The following SLC26A7 variants were observed in gnomAD, a reference collection of about 807,000 sequenced individuals.
SLC26A7 encodes the protein anion exchange transporter.
SLC26A7 carries 59 observed loss-of-function variants against 82.5 expected under a neutral mutation model. The observed-to-expected ratio is 0.72, with a 90% confidence interval of 0.58 to 0.89. SLC26A7 has a LOEUF of 0.89. SLC26A7 is among the 40% of genes least tolerant of loss of function. SLC26A7 has a pLI of 0.00. For missense variants in SLC26A7, 820 were observed against 793.0 expected, an observed-to-expected ratio of 1.03 and a Z score of -0.41; for synonymous variants, 271 against 274.3, an observed-to-expected ratio of 0.99 and a Z score of 0.12.
At chr8:91,366,789 A>C in intron 14 of SLC26A7, 72 bp downstream of exon 14, 1 of 1,491,450 alleles carries the variant, frequency 6.7e-7, no homozygotes, top group Non-Finnish European at 9.1e-7. Flanking sequence ...ACATGTATCA[A>C]GTAAATAATA....
chr8:91,288,128 T>A (rs186907476), intron 2 of SLC26A7, among the ~76,000 whole-genome samples: 19 of 152,310 alleles, frequency 1.2e-4, no homozygotes, highest in Admixed American at 2.6e-4. Flanking sequence ...TTCATTTAAT[T>A]TAAAAATGGT....
chr8:91,261,136 T>C (rs908903303), intron 2 of SLC26A7, among the ~76,000 whole-genome samples: 5 of 152,126 alleles, frequency 3.3e-5, no homozygotes, highest in African/African-American at 1.2e-4. Flanking sequence ...TTCTTGGAAG[T>C]GCTTACCACC....
At chr8:91,313,613 C>A in intron 4 of SLC26A7, among the ~76,000 whole-genome samples, 1 of 152,148 alleles carries the variant, frequency 6.6e-6, no homozygotes, top group East Asian at 1.9e-4. Context: ...CAGACTTTAC[C>A]ATCCAGTCAC....
chr8:91,226,464 G>GT (rs1468958178), intron 2 of SLC26A7, among the ~76,000 whole-genome samples: 3 of 152,122 alleles, frequency 2.0e-5, no homozygotes, highest in Admixed American at 6.5e-5. Context: ...GAAAACAATG[G>GT]TTTTTAACAT....
chr8:91,268,678 T>A (rs73694608), intron 2 of SLC26A7, among the ~76,000 whole-genome samples: 3,702 of 151,932 alleles, frequency 0.024, 156 homozygotes, highest in African/African-American at 0.08. Context: ...AATGTTATTA[T>A]TGATAGGTAA....
chr8:91,363,480 CTG>C lies in SLC26A7; in HGVS notation c.1432_1433del (p.Val478LysfsTer11), dbSNP rs751908708. ...ATCTGCTTTAATTTCAGAGCAATGA[CTG>C]TAAGTATAAAAAATATGAAAGAAAT... On this transcript the variant is annotated frameshift_variant, in exon 13 of 19. Transcript: ENST00000276609. LOFTEE classifies it high-confidence loss of function. 7 of 1,496,762 alleles carry C rather than the reference CTG, an allele frequency of 4.7e-6. No individual in the cohort carries two copies. The highest frequency in any genetic ancestry group is 3.7e-6 in the Non-Finnish European group (4 of 1,088,910). The allele number at this position is 1,496,762 out of a possible 1,614,324, so 92.7% of individuals were successfully genotyped here. A position where few individuals can be genotyped will look rare whatever the true frequency, so the allele number is the denominator to read the frequency against.
chr8:91,370,861 A>G (rs1256786602), intron 15 of SLC26A7, among the ~76,000 whole-genome samples: 1 of 151,910 alleles, frequency 6.6e-6, no homozygotes, highest in Admixed American at 6.6e-5. Flanking sequence ...TTATACAAAA[A>G]TCTCTTATTT....
intron 2 of SLC26A7, among the ~76,000 whole-genome samples, chr8:91,264,852 A>G (rs1439354984): frequency 1.3e-5 from 2 of 152,028 alleles, no homozygotes; most frequent in Admixed American, 6.6e-5. Flanking sequence ...CAAGGTAGTT[A>G]TCATGTCTAT....
intron 8 of SLC26A7, among the ~76,000 whole-genome samples, chr8:91,341,407 C>T (rs1462773365): frequency 6.6e-6 from 1 of 152,168 alleles, no homozygotes; most frequent in Non-Finnish European, 1.5e-5. Context: ...TGTCCTGTTT[C>T]AAGTCCTGTC....
chr8:91,327,480 G>T (rs376604768), intron 5 of SLC26A7, among the ~76,000 whole-genome samples: 4 of 152,048 alleles, frequency 2.6e-5, no homozygotes, highest in African/African-American at 9.7e-5. Flanking sequence ...TACTCTTTGA[G>T]ACATAGAAAA....
chr8:91,274,449 A>G (rs1162059736), intron 2 of SLC26A7, among the ~76,000 whole-genome samples: 2 of 150,696 alleles, frequency 1.3e-5, no homozygotes, highest in Admixed American at 1.3e-4. Flanking sequence ...AGTGGTAGAC[A>G]GAGAGAGAGA....
chr8:91,328,840 T>A (rs1003772750), intron 5 of SLC26A7, among the ~76,000 whole-genome samples: 1 of 152,114 alleles, frequency 6.6e-6, no homozygotes. Context: ...AAGCAGTACA[T>A]GTGCTGTGGA....
At chr8:91,239,805 A>C (rs1361068952) in intron 2 of SLC26A7, among the ~76,000 whole-genome samples, 3 of 152,214 alleles carry the variant, frequency 2.0e-5, no homozygotes, top group African/African-American at 7.2e-5. Flanking sequence ...AAGGGACTAC[A>C]AACTGGGTAA....
rs113304873 is a variant in SLC26A7 at position 91,274,453 on chromosome 8, A to G, written c.194-14683A>G. On this transcript the variant is annotated intron_variant, in intron 2 of 18. Transcript: ENST00000276609. Reference sequence around the variant, plus strand: ...TCTTATAACATAGTGGTAGACAGAGAGAGAGAGAGAAACAGAGAGCAAGAG... The same window carrying G: ...TCTTATAACATAGTGGTAGACAGAGGGAGAGAGAGAAACAGAGAGCAAGAG... 1.4e-3 allele frequency among the ~76,000 whole-genome samples: 212 copies of G among 152,284 alleles called. 2 individuals carry two copies. The highest frequency in any genetic ancestry group is 5.0e-3 in the African/African-American group (209 of 41,548).
At chr8:91,358,334 T>C (rs569756633) in intron 11 of SLC26A7, among the ~76,000 whole-genome samples, 1 of 150,320 alleles carries the variant, frequency 6.7e-6, no homozygotes, top group South Asian at 2.1e-4. Flanking sequence ...TTTTTCTTTT[T>C]TTTTTTTTTT....
rs148109530 is a variant in SLC26A7, at chr8:91,334,332, G to A, written c.680G>A (p.Arg227Gln). The A allele has an allele frequency of 8.7e-5, 140 of 1,612,756 alleles. 1 individual carries two copies. Among genetic ancestry groups the A allele is most frequent in the African/African-American group, 4.4e-4 (33 of 74,956 alleles). The change falls in exon 6 of 19, where the codon CGA (arginine) becomes CAA (glutamine). Residue 227 changes from arginine (R) to glutamine (Q), a missense_variant. Transcript: ENST00000276609. ...GTTTTTGAAAACATCAAGTCTGTGC[G>A]ACTGGAAGCATTGCTTTTATCCTTG... ...AYVFENIKSV[R>Q]LEALLLSLLS...
intron 16 of SLC26A7, 82 bp from the exon 17 acceptor site, chr8:91,393,713 GTT>G (rs1808469396): frequency 2.1e-6 from 3 of 1,447,350 alleles, no homozygotes; most frequent in South Asian, 1.2e-5. Context: ...TTTAAAGAAA[GTT>G]TGATTTCTTC....
chr8:91,217,928 T>C, intron 1 of SLC26A7, among the ~76,000 whole-genome samples: 1 of 152,150 alleles, frequency 6.6e-6, no homozygotes, highest in South Asian at 2.1e-4. Flanking sequence ...GTTGGAGGTC[T>C]GTGTGAAGGG....
At chr8:91,228,348 G>A (rs554407047) in intron 2 of SLC26A7, among the ~76,000 whole-genome samples, 13 of 152,308 alleles carry the variant, frequency 8.5e-5, no homozygotes, top group Admixed American at 2.6e-4. Flanking sequence ...GGTGGGATGC[G>A]GAAGGCAAAG....
Sources: allele counts gnomAD v4.1 joint callset (sites outside exome capture counted in the v4.1 genomes callset), GRCh38; gene constraint gnomAD v4.1.1; transcripts MANE v1.5; gene names NCBI Gene and HGNC (gene_info 2026-07-23, HGNC 2026-07-21).